Variants in GHR observed in about 807,000 individuals in gnomAD.
GHR encodes GH receptor.
Under a neutral mutation model 67.1 loss-of-function variants are expected in GHR, and 35 were observed. That is an observed-to-expected ratio of 0.52 (90% CI 0.40 to 0.69). GHR has a LOEUF of 0.69. Ranked by LOEUF, GHR falls within the 30% of genes least tolerant of loss-of-function variation. GHR has a pLI of 0.00. For synonymous variants in GHR, 272 were observed against 269.1 expected, an observed-to-expected ratio of 1.01 and a Z score of -0.10; for missense variants, 792 against 764.6, an observed-to-expected ratio of 1.04 and a Z score of -0.42.
intron 3 of GHR, among the ~76,000 whole-genome samples, chr5:42,661,099 C>G (rs1244722281): frequency 6.6e-6 from 1 of 152,132 alleles, no homozygotes; most frequent in African/African-American, 2.4e-5. Flanking sequence ...AAATATGGGA[C>G]TATGTGAAAA....
At chr5:42,620,978 T>C (rs754920425) in intron 2 of GHR, among the ~76,000 whole-genome samples, 17 of 152,160 alleles carry the variant, frequency 1.1e-4, no homozygotes, top group Non-Finnish European at 2.2e-4. Context: ...CTGGCTGGCC[T>C]ACCTAGGATT....
intron 1 of GHR, among the ~76,000 whole-genome samples, chr5:42,532,752 C>T (rs1006967887): frequency 2.0e-5 from 3 of 151,878 alleles, no homozygotes; most frequent in African/African-American, 7.3e-5. Flanking sequence ...CAGAATTTAC[C>T]CTTGTTATTA....
intron 1 of GHR, among the ~76,000 whole-genome samples, chr5:42,548,788 C>A (rs765806519): frequency 1.3e-5 from 2 of 152,084 alleles, no homozygotes; most frequent in Non-Finnish European, 2.9e-5. Flanking sequence ...ATAAAGTATT[C>A]TTTTAGGCAA....
intron 2 of GHR, among the ~76,000 whole-genome samples, chr5:42,567,559 T>C (rs1220446360): frequency 6.6e-6 from 1 of 152,176 alleles, no homozygotes; most frequent in East Asian, 1.9e-4. Context: ...TACCAGTACT[T>C]ACGCATAAGA....
intron 1 of GHR, among the ~76,000 whole-genome samples, chr5:42,462,644 A>G (rs1034028362): frequency 1.3e-5 from 2 of 152,046 alleles, no homozygotes; most frequent in Non-Finnish European, 2.9e-5. Context: ...CTGGTTTATT[A>G]TGGTTAAGAG....
At chr5:42,692,850 G>T (rs540474529) in intron 4 of GHR, among the ~76,000 whole-genome samples, 24 of 152,184 alleles carry the variant, frequency 1.6e-4, no homozygotes, top group African/African-American at 5.8e-4. Context: ...TATCACTTAT[G>T]CTAAGTACAT....
At chr5:42,589,402 A>C (rs955007300) in intron 2 of GHR, among the ~76,000 whole-genome samples, 1 of 152,158 alleles carries the variant, frequency 6.6e-6, no homozygotes, top group African/African-American at 2.4e-5. Flanking sequence ...AATAGTCTCC[A>C]GTCTTTGCCC....
At chr5:42,455,887 T>C (rs549036787) in intron 1 of GHR, among the ~76,000 whole-genome samples, 1 of 152,336 alleles carries the variant, frequency 6.6e-6, no homozygotes, top group Admixed American at 6.5e-5. Flanking sequence ...TCTGTGTTCT[T>C]TTTCTCCCGC....
At position 42,628,082 on chromosome 5, in the gene GHR, G is replaced by A. The variant is rs534879710; in HGVS notation, c.71-956G>A. ...CTCCCCCAGGCAAGCTCCTCTCAGC[G>A]TCCAGATGTTCCTCTTCCCTCTCTC... On this transcript the variant is annotated intron_variant, in intron 2 of 9. Coordinates refer to ENST00000230882, the MANE Select transcript of GHR (RefSeq NM_000163.5). Among the ~76,000 whole-genome samples the A allele has an allele frequency of 1.1e-4, 16 of 152,242 alleles. No homozygotes were observed. The South Asian group carries it at 1.7e-3, about 16-fold the overall frequency.
At chr5:42,681,659 G>A (rs996643765) in intron 3 of GHR, among the ~76,000 whole-genome samples, 6 of 152,130 alleles carry the variant, frequency 3.9e-5, no homozygotes, top group Non-Finnish European at 7.4e-5. Flanking sequence ...ACATGCGGCC[G>A]GGCGTGGTGG....
chr5:42,611,662 G>A (rs367992647), intron 2 of GHR, among the ~76,000 whole-genome samples: 39 of 152,208 alleles, frequency 2.6e-4, no homozygotes, highest in East Asian at 1.4e-3. Context: ...AGTGTCAAAA[G>A]TAAACAAAGA....
chr5:42,463,694 C>CTTA (rs1744585367), intron 1 of GHR, among the ~76,000 whole-genome samples: 1 of 152,056 alleles, frequency 6.6e-6, no homozygotes, highest in Non-Finnish European at 1.5e-5. Flanking sequence ...CGGAAAATAC[C>CTTA]TTAGAAATAA....
chr5:42,479,865 GT>G (rs919134811), intron 1 of GHR, among the ~76,000 whole-genome samples: 1 of 151,976 alleles, frequency 6.6e-6, no homozygotes, highest in Non-Finnish European at 1.5e-5. Context: ...TTTTTGAATG[GT>G]TTTTTGTGTC....
Position 42,661,027 on chromosome 5 carries a change from A to G in GHR, c.137-27863A>G, listed in dbSNP as rs138588742. Among the ~76,000 whole-genome samples the G allele has an allele frequency of 2.6e-5, 4 of 152,350 alleles. No individual in the cohort carries two copies. In the East Asian group the frequency reaches 5.8e-4, roughly 22 times the overall value. ...GTATCAGTGATGGAATATGAAATGA[A>G]TGAAATGAAGTGAGAAGGGAAGTTT... is the stretch of plus-strand genomic sequence containing the variant. On this transcript the variant is annotated intron_variant, in intron 3 of 9. Coordinates refer to ENST00000230882, the MANE Select transcript of GHR (RefSeq NM_000163.5).
chr5:42,563,051 A>G (rs984912354), intron 1 of GHR, among the ~76,000 whole-genome samples: 2 of 152,206 alleles, frequency 1.3e-5, no homozygotes, highest in Non-Finnish European at 2.9e-5. Context: ...AGCAAATGCC[A>G]CTTGTTTGTG....
chr5:42,540,943 G>GTTT (rs58109462), intron 1 of GHR, among the ~76,000 whole-genome samples: 8 of 139,912 alleles, frequency 5.7e-5, no homozygotes, highest in Non-Finnish European at 1.1e-4. Flanking sequence ...TATTTTCCTT[G>GTTT]TTTTTTTTTT....
chr5:42,485,631 T>C (rs915886010), intron 1 of GHR, among the ~76,000 whole-genome samples: 13 of 152,194 alleles, frequency 8.5e-5, no homozygotes, highest in African/African-American at 2.9e-4. Flanking sequence ...AAAAACCTTG[T>C]CTTCTTTTCT....
At chr5:42,425,190 G>A (rs1219561964) in intron 1 of GHR, among the ~76,000 whole-genome samples, 3 of 152,214 alleles carry the variant, frequency 2.0e-5, no homozygotes, top group Non-Finnish European at 4.4e-5. Context: ...ATGGGAGGGC[G>A]TTTGGGAGGT....
At chr5:42,669,398 C>A (rs1756160250) in intron 3 of GHR, among the ~76,000 whole-genome samples, 1 of 152,098 alleles carries the variant, frequency 6.6e-6, no homozygotes, top group African/African-American at 2.4e-5. Flanking sequence ...AGATAGAAAA[C>A]AAAGTTTCAT....
Sources: allele counts gnomAD v4.1 joint callset (sites outside exome capture counted in the v4.1 genomes callset), GRCh38; gene constraint gnomAD v4.1.1; transcripts MANE v1.5; gene names NCBI Gene and HGNC (gene_info 2026-07-23, HGNC 2026-07-21).